CYP4Z1: variants seen among roughly 807,000 people sequenced by gnomAD.
The protein encoded by CYP4Z1 is cytochrome P450 family 4 subfamily Z member 1.
Under a neutral mutation model 54.2 loss-of-function variants are expected in CYP4Z1, and 41 were observed. The observed-to-expected ratio is 0.76, with a 90% CI of 0.59 to 0.98. CYP4Z1 has a LOEUF of 0.98. CYP4Z1 is among the 50% of genes least tolerant of loss of function. The pLI is 0.00. For synonymous variants in CYP4Z1, 163 were observed against 206.2 expected (o/e 0.79, Z 1.79); for missense variants, 513 against 599.0 (o/e 0.86, Z 1.50).
upstream of CYP4Z1, among the ~76,000 whole-genome samples, chr1:47,065,524 A>T (rs1394000714): frequency 6.6e-6 from 1 of 152,168 alleles, no homozygotes; most frequent in Non-Finnish European, 1.5e-5. Flanking sequence ...CCTAAGATAC[A>T]GCAAAAGCAG....
intron 9 of CYP4Z1, among the ~76,000 whole-genome samples, chr1:47,113,918 C>T (rs898649305): frequency 1.3e-5 from 2 of 152,206 alleles, no homozygotes; most frequent in Non-Finnish European, 2.9e-5. Context: ...CTACCAATGA[C>T]TTTCTTCACA....
At chr1:47,099,657 A>G (rs923866478) in intron 8 of CYP4Z1, among the ~76,000 whole-genome samples, 3 of 152,028 alleles carry the variant, frequency 2.0e-5, no homozygotes, top group African/African-American at 7.2e-5. Flanking sequence ...TAGATTGCCC[A>G]AGTAAGATGT....
intron 9 of CYP4Z1, among the ~76,000 whole-genome samples, chr1:47,111,384 C>T (rs1377007940): frequency 6.6e-6 from 1 of 152,104 alleles, no homozygotes; most frequent in South Asian, 2.1e-4. Context: ...GGGGTTTCAC[C>T]GTGTTAGCCA....
intron 7 of CYP4Z1, 145 bp from the exon 8 acceptor site, chr1:47,098,949 A>G: frequency 1.0e-6 from 1 of 967,720 alleles, no homozygotes; most frequent in Non-Finnish European, 1.5e-6. Context: ...GGTTTGAAAA[A>G]AGTAAAATAG....
At chr1:47,085,914 A>G (rs985809566) in intron 6 of CYP4Z1, among the ~76,000 whole-genome samples, 3 of 136,822 alleles carry the variant, frequency 2.2e-5, no homozygotes, top group Non-Finnish European at 3.0e-5. Context: ...TCATTGTTCA[A>G]TTCCCACCTA....
chr1:47,088,212 A>G (rs1644612284), intron 6 of CYP4Z1, among the ~76,000 whole-genome samples: 1 of 151,202 alleles, frequency 6.6e-6, no homozygotes. Context: ...GGCCTCATAA[A>G]ATGAGTTAGG....
intron 9 of CYP4Z1, among the ~76,000 whole-genome samples, chr1:47,113,239 T>G (rs983422473): frequency 6.6e-6 from 1 of 152,216 alleles, no homozygotes; most frequent in African/African-American, 2.4e-5. Flanking sequence ...CTTTTTTATC[T>G]GCCTCAAATT....
At chr1:47,115,418 C>T (rs375425574) in intron 9 of CYP4Z1, 111 bp from the exon 10 acceptor site, 5 of 908,062 alleles carry the variant, frequency 5.5e-6, no homozygotes, top group South Asian at 1.5e-5. Flanking sequence ...TCATGTTGTG[C>T]ATATGTACCC....
intron 6 of CYP4Z1, among the ~76,000 whole-genome samples, chr1:47,086,728 T>C (rs1194148838): frequency 6.6e-6 from 1 of 152,224 alleles, no homozygotes; most frequent in Admixed American, 6.5e-5. Flanking sequence ...TTGGTTTCTG[T>C]TGCCATTGCT....
intron 9 of CYP4Z1, among the ~76,000 whole-genome samples, chr1:47,113,107 T>TA (rs1253333244): frequency 6.6e-6 from 1 of 152,154 alleles, no homozygotes; most frequent in African/African-American, 2.4e-5. Context: ...CATTTTAAGG[T>TA]ACAAGCCCAG....
chr1:47,099,025 A>T (rs1644700308), intron 7 of CYP4Z1, 69 bp from the exon 8 acceptor site: 25 of 1,517,436 alleles, frequency 1.6e-5, no homozygotes, highest in Non-Finnish European at 2.3e-5. Context: ...TTGTATTATC[A>T]TTGCTACAAT....
intron 9 of CYP4Z1, among the ~76,000 whole-genome samples, chr1:47,113,680 G>A (rs935093179): frequency 2.7e-4 from 41 of 152,138 alleles, no homozygotes; most frequent in Admixed American, 2.4e-3. Context: ...AATCATGAGC[G>A]AACTCCCATT....
chr1:47,115,368 G>C lies in CYP4Z1; in HGVS notation c.1202-161G>C, dbSNP rs576806260. On this transcript the variant is annotated intron_variant, in intron 9 of 11. Coordinates refer to ENST00000334194, the MANE Select transcript of CYP4Z1 (RefSeq NM_178134.3). Reference sequence around the variant, plus strand: ...GTTAAATGACGAGTTAATGGGTGCAGCACACCAACATGGCACATGTATACA... The same window carrying C: ...GTTAAATGACGAGTTAATGGGTGCACCACACCAACATGGCACATGTATACA... 528 of 593,110 alleles carry C rather than the reference G, an allele frequency of 8.9e-4. 2 individuals carry two copies. The African/African-American group carries it at 9.7e-3, about 11-fold the overall frequency. 36.7% of individuals were successfully genotyped at this position (593,110 alleles called of 1,614,324 possible).
At chr1:47,110,380 A>C (rs2758721) in intron 9 of CYP4Z1, among the ~76,000 whole-genome samples, 1 of 135,620 alleles carries the variant, frequency 7.4e-6, no homozygotes, top group Non-Finnish European at 1.6e-5. Context: ...AAGAAAGACA[A>C]TAACAGACTT....
chr1:47,104,151 T>G (rs1644740272), intron 8 of CYP4Z1, among the ~76,000 whole-genome samples: 2 of 152,206 alleles, frequency 1.3e-5, no homozygotes, highest in South Asian at 4.1e-4. Flanking sequence ...GTTCATTGGG[T>G]AGGATGCTTT....
rs574833046 is a variant in CYP4Z1 at position 47,097,340 on chromosome 1, G to A, written c.877-1754G>A. 3.3e-5 allele frequency among the ~76,000 whole-genome samples: 5 copies of A among 152,148 alleles called. No homozygotes were observed. In the East Asian group the frequency reaches 5.8e-4, roughly 18 times the overall value. ...TGGGTATATACCCAGTAATGGCATCGTTGGGTCAAATGCTATTGCTTTTGA... is the reference window on the plus strand; with the variant it reads ...TGGGTATATACCCAGTAATGGCATCATTGGGTCAAATGCTATTGCTTTTGA... On this transcript the variant is annotated intron_variant, in intron 7 of 11. Transcript: ENST00000334194.
chr1:47,112,252 GA>G (rs1313094607), intron 9 of CYP4Z1, among the ~76,000 whole-genome samples: 1 of 152,070 alleles, frequency 6.6e-6, no homozygotes, highest in South Asian at 2.1e-4. Flanking sequence ...ACAGAGACTT[GA>G]AAAACCAGGA....
chr1:47,089,320 T>A (rs1021493581), intron 6 of CYP4Z1, among the ~76,000 whole-genome samples: 1 of 152,164 alleles, frequency 6.6e-6, no homozygotes, highest in Non-Finnish European at 1.5e-5. Flanking sequence ...TGGGTTTTTT[T>A]AATAATTTTT....
chr1:47,109,917 C>A (rs752403282), intron 9 of CYP4Z1, among the ~76,000 whole-genome samples: 1 of 150,994 alleles, frequency 6.6e-6, no homozygotes. Context: ...GTTATGAATT[C>A]TATTTCCTTT....
Sources: allele counts gnomAD v4.1 joint callset (sites outside exome capture counted in the v4.1 genomes callset), GRCh38; gene constraint gnomAD v4.1.1; transcripts MANE v1.5; gene names NCBI Gene and HGNC (gene_info 2026-07-23, HGNC 2026-07-21).